BAG4: variants seen among roughly 807,000 people sequenced by gnomAD.
BAG4 encodes the protein BAG family molecular chaperone regulator 4.
Under a neutral mutation model 52.1 loss-of-function variants are expected in BAG4, and 28 were observed. That is an observed-to-expected ratio of 0.54 (90% CI 0.40 to 0.74). BAG4 has a LOEUF of 0.74. Among genes scored for constraint, BAG4 ranks in the 30% least tolerant of loss-of-function variants. The pLI is 0.00. For missense variants in BAG4, 525 were observed against 572.0 expected (o/e 0.92, Z 0.84); for synonymous variants, 208 against 217.0 (o/e 0.96, Z 0.37).
At chr8:38,183,390 A>G (rs949553527) in intron 1 of BAG4, among the ~76,000 whole-genome samples, 15 of 152,190 alleles carry the variant, frequency 9.9e-5, no homozygotes, top group Non-Finnish European at 1.9e-4. Flanking sequence ...TAAGGGTGGT[A>G]AGGGCTATTT....
intron 2 of BAG4, among the ~76,000 whole-genome samples, chr8:38,203,280 A>C (rs1803711891): frequency 6.8e-6 from 1 of 146,518 alleles, no homozygotes; most frequent in East Asian, 2.1e-4. Flanking sequence ...AGTCTTGAGG[A>C]ATTTTTTTTT....
intron 1 of BAG4, 111 bp from the exon 2 acceptor site, chr8:38,192,577 C>A: frequency 3.5e-6 from 3 of 858,738 alleles, no homozygotes; most frequent in South Asian, 1.9e-5. Flanking sequence ...CAGCTTATTG[C>A]TTTTTGTCTA....
At chr8:38,180,205 C>T (rs924676551) in intron 1 of BAG4, among the ~76,000 whole-genome samples, 4 of 152,044 alleles carry the variant, frequency 2.6e-5, no homozygotes, top group Non-Finnish European at 5.9e-5. Context: ...AATTTTTCTG[C>T]AGCAATAGAA....
At chr8:38,198,124 C>G (rs1354715808) in intron 2 of BAG4, among the ~76,000 whole-genome samples, 1 of 151,996 alleles carries the variant, frequency 6.6e-6, no homozygotes, top group Non-Finnish European at 1.5e-5. Flanking sequence ...GTGGCTCACT[C>G]CTGTAATCCT....
chr8:38,208,140 CTCATTTTTGTAT>C (rs899851149), intron 3 of BAG4, among the ~76,000 whole-genome samples: 2 of 151,484 alleles, frequency 1.3e-5, no homozygotes, highest in African/African-American at 2.4e-5. Context: ...TCACGCCCAG[CTCATTTTTGTAT>C]TTTTAGTAGA....
rs950265102 is a variant in BAG4, at chr8:38,210,973, CTGTTT to C, written c.*490_*494del. 5.2e-5 allele frequency: 8 copies of C among 153,466 alleles called. No homozygotes were observed. The highest frequency in any genetic ancestry group is 1.7e-4 in the African/African-American group (7 of 41,512). The allele number at this position is 153,466 out of a possible 1,614,324, so 9.5% of individuals were successfully genotyped here. A position where few individuals can be genotyped will look rare whatever the true frequency, so the allele number is the denominator to read the frequency against. On this transcript the variant is annotated 3_prime_UTR_variant, in exon 5 of 5. Coordinates refer to ENST00000287322, the MANE Select transcript of BAG4 (RefSeq NM_004874.4). ...CTTAGACTTTAGCCTTCTTGGACTTCTGTTTTGTTTTGTTATTTGCAGTTTACAAA... is the reference window on the plus strand; with the variant it reads ...CTTAGACTTTAGCCTTCTTGGACTTCTGTTTTGTTATTTGCAGTTTACAAA...
rs533118839 is a variant in BAG4 at position 38,192,134 on chromosome 8, G to C, written c.271-554G>C. ...TATGTGCTTGAGCGAAACTCTAGTAGTAATGTCTTTGTGTTCCAAAGTTAT... is the reference window on the plus strand; with the variant it reads ...TATGTGCTTGAGCGAAACTCTAGTACTAATGTCTTTGTGTTCCAAAGTTAT... On this transcript the variant is annotated intron_variant, in intron 1 of 4. Coordinates refer to ENST00000287322, the MANE Select transcript of BAG4 (RefSeq NM_004874.4). 5.3e-5 allele frequency among the ~76,000 whole-genome samples: 8 copies of C among 152,324 alleles called. No individual in the cohort carries two copies. In the East Asian group the frequency reaches 1.5e-3, roughly 29 times the overall value.
chr8:38,181,142 C>T (rs1803260870), intron 1 of BAG4, among the ~76,000 whole-genome samples: 1 of 148,988 alleles, frequency 6.7e-6, no homozygotes, highest in South Asian at 2.1e-4. Context: ...GGAGTTTCAC[C>T]GTGTCAGCCA....
At chr8:38,192,870 T>C (rs1387884116) in intron 2 of BAG4, 75 bp downstream of exon 2, 1 of 1,156,630 alleles carries the variant, frequency 8.6e-7, no homozygotes, top group Non-Finnish European at 1.2e-6. Flanking sequence ...GTGCAGATTT[T>C]AGAGCAGTGA....
intron 2 of BAG4, 127 bp downstream of exon 2, chr8:38,192,922 A>G (rs1803500219): frequency 1.7e-6 from 1 of 602,132 alleles, no homozygotes; most frequent in South Asian, 2.5e-5. Flanking sequence ...GGCTCCATCA[A>G]TCTCATCTTA....
rs1803872017 is a variant in BAG4, at chr8:38,211,748, T to G, written c.*1255T>G. 6.6e-6 allele frequency: 1 copy of G among 152,166 alleles called. No individual in the cohort carries two copies. The highest frequency in any genetic ancestry group is 1.5e-5 in the Non-Finnish European group (1 of 67,990). 9.4% of individuals were successfully genotyped at this position (152,166 alleles called of 1,614,324 possible). The stretch of plus-strand genomic sequence containing the variant: ...AATAAAAAGACATTTATTACCATTA[T>G]TAACAGTCATTTTAGAGCCAAATTT... On this transcript the variant is annotated 3_prime_UTR_variant, in exon 5 of 5. Coordinates refer to ENST00000287322, the MANE Select transcript of BAG4 (RefSeq NM_004874.4).
chr8:38,206,703 A>G (rs1325448165), intron 2 of BAG4, among the ~76,000 whole-genome samples: 1 of 152,222 alleles, frequency 6.6e-6, no homozygotes, highest in Non-Finnish European at 1.5e-5. Flanking sequence ...TGATGGAGAA[A>G]CTGAAGTTAG....
chr8:38,199,212 T>C (rs1181067440), intron 2 of BAG4, among the ~76,000 whole-genome samples: 1 of 152,242 alleles, frequency 6.6e-6, no homozygotes, highest in Non-Finnish European at 1.5e-5. Context: ...GCTATCCATA[T>C]GACAGCTACA....
intron 1 of BAG4, among the ~76,000 whole-genome samples, chr8:38,187,495 TA>T (rs1321581670): frequency 6.6e-6 from 1 of 152,156 alleles, no homozygotes; most frequent in Non-Finnish European, 1.5e-5. Flanking sequence ...ATAACAAGGT[TA>T]ATATAACAAA....
At position 38,207,687 on chromosome 8, in the gene BAG4, G is replaced by C. The variant is rs61754115; in HGVS notation, c.554G>C (p.Arg185Pro). 3.1e-6 allele frequency: 5 copies of C among 1,614,054 alleles called. No homozygotes were observed. Among genetic ancestry groups the C allele is most frequent in the Non-Finnish European group, 4.2e-6 (5 of 1,179,984 alleles). ...GGCAACAGCCCAACTCCAGTCTCTC[G>C]TTGGATCTATCCCCAGCAGGACTGT... ...SSGNSPTPVS[R>P]WIYPQQDCQT... Residue 185 changes from arginine to proline, a missense_variant, in exon 3 of 5, where the codon CGT becomes CCT. Coordinates refer to ENST00000287322, the MANE Select transcript of BAG4 (RefSeq NM_004874.4).
chr8:38,180,522 CAAA>C lies in BAG4; in HGVS notation c.270+3407_270+3409del, dbSNP rs1161178024. 1.4e-3 allele frequency among the ~76,000 whole-genome samples: 38 copies of C among 26,480 alleles called. 1 individual carries two copies. Among genetic ancestry groups the C allele is most frequent in the Middle Eastern group, 0.02 (1 of 50 alleles). 17.4% of individuals were successfully genotyped at this position (26,480 alleles called of 152,430 possible). A position where few individuals can be genotyped will look rare whatever the true frequency, so the allele number is the denominator to read the frequency against. ...TGGGCAGCAAAGCGAGACTCCGTCTCAAAAAAAAAAAAAAAAAAAAAAAAAAGA... is the reference window on the plus strand; with the variant it reads ...TGGGCAGCAAAGCGAGACTCCGTCTCAAAAAAAAAAAAAAAAAAAAAAAGA... On this transcript the variant is annotated intron_variant, in intron 1 of 4. Coordinates refer to ENST00000287322, the MANE Select transcript of BAG4 (RefSeq NM_004874.4).
rs544096985 is a variant in BAG4 at position 38,196,212 on chromosome 8, T to C, written c.378+3417T>C. ...TTGGGTCTATACCTAGAAATGGAAT[T>C]GCTTGGTCATAGAGTAACCCTATAT... On this transcript the variant is annotated intron_variant, in intron 2 of 4. Coordinates refer to ENST00000287322, the MANE Select transcript of BAG4 (RefSeq NM_004874.4). Among the ~76,000 whole-genome samples, 7 of 152,324 alleles carry C rather than the reference T, an allele frequency of 4.6e-5. No individual in the cohort carries two copies. In the South Asian group the frequency reaches 1.5e-3, roughly 32 times the overall value.
chr8:38,176,915 T>C lies in BAG4; in HGVS notation c.46T>C (p.Ser16Pro). ...RSGYGPSDGP[S>P]YGRYYGPGGG... Reference sequence around the variant, plus strand: ...GGGCTACGGCCCCAGTGACGGTCCGTCCTACGGCCGCTACTACGGGCCTGG... The same window carrying C: ...GGGCTACGGCCCCAGTGACGGTCCGCCCTACGGCCGCTACTACGGGCCTGG... The change falls in exon 1 of 5, where the codon TCC becomes CCC. Residue 16 changes from serine (S) to proline (P), a missense_variant. Physicochemically the swap from Ser to Pro is moderately conservative, Grantham distance 74. This residue lies in a region of BAG4 where 287 missense variants were observed against 266.1 expected (regional missense o/e 1.08). Coordinates refer to ENST00000287322, the MANE Select transcript of BAG4 (RefSeq NM_004874.4). 2 of 1,549,784 alleles carry C rather than the reference T, an allele frequency of 1.3e-6. No homozygotes were observed. The highest frequency in any genetic ancestry group is 1.7e-6 in the Non-Finnish European group (2 of 1,147,218).
chr8:38,204,002 T>G (rs1305365690), intron 2 of BAG4: 1 of 152,144 alleles, frequency 6.6e-6, no homozygotes, highest in Non-Finnish European at 1.5e-5. Flanking sequence ...ACTTAAAAAC[T>G]TTGCCACGTT....
Sources: gnomAD v4.1 joint callset for allele counts (sites outside exome capture counted in the v4.1 genomes callset) on GRCh38, gnomAD v4.1.1 for gene constraint, gnomAD v4.1.1 regional missense constraint, MANE v1.5 for transcripts, NCBI Gene and HGNC (gene_info 2026-07-23, HGNC 2026-07-21) for gene names.